GALNT3: variants seen among roughly 807,000 people sequenced by gnomAD.
GALNT3 encodes the protein polypeptide N-acetylgalactosaminyltransferase 3, also known as GalNAc transferase 3.
GALNT3 carries 51 observed loss-of-function variants against 69.8 expected under a neutral mutation model. The ratio of observed to expected loss-of-function variants is 0.73; its 90% CI spans 0.58 to 0.92. The LOEUF is 0.92. GALNT3 is among the 40% of genes least tolerant of loss of function. The pLI is 0.00. For missense variants in GALNT3, 711 were observed against 760.0 expected, an observed-to-expected ratio of 0.94 and a Z score of 0.76; for synonymous variants, 265 against 248.5, an observed-to-expected ratio of 1.07 and a Z score of -0.63.
rs760830864 is a variant in GALNT3, at chr2:165,754,626, C to A, written c.1626+1G>T. 6.2e-7 allele frequency: 1 copy of A among 1,606,372 alleles called. No individual in the cohort carries two copies. Among genetic ancestry groups the A allele is most frequent in the Non-Finnish European group, 8.5e-7 (1 of 1,173,268 alleles). On this transcript the variant is annotated splice_donor_variant, in intron 9 of 10. Transcript: ENST00000392701. LOFTEE classifies it high-confidence loss of function. ...TGAAGGATTTTTAATGCAGTGCTCA[C>A]CTGGTTTCCCCCAAGTCCATGACAT...
chr2:165,776,548 G>GA (rs898416130), intron 1 of GALNT3, among the ~76,000 whole-genome samples: 2 of 149,938 alleles, frequency 1.3e-5, no homozygotes, highest in East Asian at 3.9e-4. Context: ...TAAAAAAAAA[G>GA]AAAAAAAAGA....
intron 9 of GALNT3, 34 bp downstream of exon 9, chr2:165,754,593 T>G (rs1203353205): frequency 6.8e-7 from 1 of 1,461,438 alleles, no homozygotes; most frequent in Non-Finnish European, 9.6e-7. Flanking sequence ...TTGTAAATGC[T>G]TTACAAGTGA....
chr2:165,754,462 CA>C lies in GALNT3; in HGVS notation c.1626+164del, dbSNP rs67722214. Among the ~76,000 whole-genome samples, 55,066 of 133,434 alleles carry C rather than the reference CA, an allele frequency of 0.41. 11,939 individuals carry two copies. Among genetic ancestry groups the C allele is most frequent in the Non-Finnish European group, 0.51 (32,779 of 64,374 alleles). 87.5% of individuals were successfully genotyped at this position (133,434 alleles called of 152,430 possible). A position where few individuals can be genotyped will look rare whatever the true frequency, so the allele number is the denominator to read the frequency against. ...TTGTTTTCAGAGCCAGAGTAAAAAC[CA>C]AAAAAAAATACTCATCAATATCAAT... On this transcript the variant is annotated intron_variant, in intron 9 of 10. Transcript: ENST00000392701.
chr2:165,780,646 T>TTTTG (rs1553495825), intron 1 of GALNT3, among the ~76,000 whole-genome samples: 29 of 101,712 alleles, frequency 2.9e-4, no homozygotes, highest in Non-Finnish European at 5.5e-4. Flanking sequence ...GAGGGGTTTT[T>TTTTG]TTGTTGTTGT....
intron 9 of GALNT3, among the ~76,000 whole-genome samples, chr2:165,752,098 A>T (rs1688365907): frequency 6.6e-6 from 1 of 152,136 alleles, no homozygotes; most frequent in Admixed American, 6.6e-5. Flanking sequence ...GCCCTACATG[A>T]TCAGGTCCCT....
intron 3 of GALNT3, 124 bp from the exon 4 acceptor site, chr2:165,762,178 C>T (rs1574001862): frequency 2.6e-6 from 2 of 761,258 alleles, no homozygotes; most frequent in Non-Finnish European, 4.3e-6. Context: ...TTGCATGTGT[C>T]CTTCCAGCAA....
rs1688740289 is a variant in GALNT3 at position 165,770,827 on chromosome 2, G to A, written c.-108-19C>T. The A allele has an allele frequency of 5.9e-6, 6 of 1,024,488 alleles. No homozygotes were observed. Among genetic ancestry groups the A allele is most frequent in the Admixed American group, 2.4e-5 (1 of 41,452 alleles). The allele number at this position is 1,024,488 out of a possible 1,614,324, so 63.5% of individuals were successfully genotyped here. On this transcript the variant is annotated intron_variant, in intron 1 of 10. Transcript: ENST00000392701. Reference sequence around the variant, plus strand: ...GTAGTACCTATAAACAGAAATGATCGATGGTATTAGTAGCTATTCAGTCCT... The same window carrying A: ...GTAGTACCTATAAACAGAAATGATCAATGGTATTAGTAGCTATTCAGTCCT...
At chr2:165,758,675 G>T (rs1481246900) in intron 6 of GALNT3, 72 bp downstream of exon 6, 6 of 991,696 alleles carry the variant, frequency 6.1e-6, no homozygotes, top group Non-Finnish European at 9.7e-6. Flanking sequence ...GTAATCATAT[G>T]TACCAGCCGA....
chr2:165,785,097 T>C (rs888795929), intron 1 of GALNT3, among the ~76,000 whole-genome samples: 3 of 152,178 alleles, frequency 2.0e-5, no homozygotes, highest in Non-Finnish European at 2.9e-5. Context: ...GGATGACTTC[T>C]AGAAATCCCA....
chr2:165,768,202 ATAAT>A lies in GALNT3; in HGVS notation c.515+1980_515+1983del, dbSNP rs1035257574. ...TACAAAACCCTGTCCAAAGTAAGAA[ATAAT>A]TAAATCTTCACTCCAACCAAAAAAT... On this transcript the variant is annotated intron_variant, in intron 2 of 10. Transcript: ENST00000392701. Among the ~76,000 whole-genome samples, 123 of 152,286 alleles carry A rather than the reference ATAAT, an allele frequency of 8.1e-4. 1 individual carries two copies. Among genetic ancestry groups the A allele is most frequent in the African/African-American group, 2.8e-3 (116 of 41,564 alleles).
rs1265316001 is a variant in GALNT3 at position 165,748,018 on chromosome 2, GAAGA to G, written c.*759_*762del. 1 of 178,008 alleles carries G rather than the reference GAAGA, an allele frequency of 5.6e-6. No homozygotes were observed. The highest frequency in any genetic ancestry group is 1.2e-5 in the Non-Finnish European group (1 of 82,888). The allele number at this position is 178,008 out of a possible 1,614,324, so 11.0% of individuals were successfully genotyped here. On this transcript the variant is annotated 3_prime_UTR_variant, in exon 11 of 11. Coordinates refer to ENST00000392701, the MANE Select transcript of GALNT3 (RefSeq NM_004482.4). ...GAATTTTGGTAAGAAAAAAATACTA[GAAGA>G]AAGGAAAAGGACACCTTTTCAACAG...
At position 165,761,980 on chromosome 2, in the gene GALNT3, T is replaced by C; in HGVS notation, c.763A>G (p.Lys255Glu). Residue 255 changes from lysine to glutamate, a missense_variant, in exon 4 of 11, where the codon AAA becomes GAA. Transcript: ENST00000392701. ...IVKIVRQRER[K>E]GLITARLLGA... Reference sequence around the variant, plus strand: ...AGCAACCGAGCAGTGATCAGACCTTTTCTTTCTCTTTGTCTGACTATTTTT... The same window carrying C: ...AGCAACCGAGCAGTGATCAGACCTTCTCTTTCTCTTTGTCTGACTATTTTT... 6.2e-7 allele frequency: 1 copy of C among 1,612,474 alleles called. No homozygotes were observed. Among genetic ancestry groups the C allele is most frequent in the African/African-American group, 1.3e-5 (1 of 75,024 alleles).
At chr2:165,751,202 G>A (rs745550207) in intron 9 of GALNT3, among the ~76,000 whole-genome samples, 10 of 152,040 alleles carry the variant, frequency 6.6e-5, no homozygotes, top group Non-Finnish European at 8.8e-5. Flanking sequence ...ATAATTAGTA[G>A]GAGCACTAAT....
At chr2:165,769,407 A>AAATAATAATAATAATAATAAT in intron 2 of GALNT3, among the ~76,000 whole-genome samples, 1 of 131,384 alleles carries the variant, frequency 7.6e-6, no homozygotes, top group East Asian at 2.3e-4. Flanking sequence ...CTCCATCTCA[A>AAATAATAATAATAATAATAAT]AATAATAATA....
At chr2:165,783,176 G>C (rs919578120) in intron 1 of GALNT3, among the ~76,000 whole-genome samples, 1 of 152,146 alleles carries the variant, frequency 6.6e-6, no homozygotes. Context: ...CTACAAAGGA[G>C]AGCAGGCACA....
chr2:165,766,346 C>T (rs1688642403), intron 2 of GALNT3, among the ~76,000 whole-genome samples: 1 of 152,190 alleles, frequency 6.6e-6, no homozygotes, highest in Non-Finnish European at 1.5e-5. Context: ...AGTGGTACTA[C>T]TATCCATTAG....
chr2:165,788,415 A>G (rs1416941965), intron 1 of GALNT3, among the ~76,000 whole-genome samples: 1 of 151,758 alleles, frequency 6.6e-6, no homozygotes, highest in Admixed American at 6.6e-5. Flanking sequence ...TTATTCCACA[A>G]AAGGCTTAAT....
chr2:165,756,555 C>A (rs1688446092), intron 7 of GALNT3, among the ~76,000 whole-genome samples: 1 of 152,092 alleles, frequency 6.6e-6, no homozygotes, highest in Non-Finnish European at 1.5e-5. Context: ...CTTGCAGCCA[C>A]TCTATGAAGT....
At chr2:165,790,397 CA>C (rs1683318983) in intron 1 of GALNT3, among the ~76,000 whole-genome samples, 1 of 152,150 alleles carries the variant, frequency 6.6e-6, no homozygotes, top group Admixed American at 6.5e-5. Flanking sequence ...CCTTAGTGTA[CA>C]TGAGTTGTGT....
Sources: gnomAD v4.1 joint callset for allele counts (sites outside exome capture counted in the v4.1 genomes callset) on GRCh38, gnomAD v4.1.1 for gene constraint, MANE v1.5 for transcripts, NCBI Gene and HGNC (gene_info 2026-07-23, HGNC 2026-07-21) for gene names.